CPD: variants seen among roughly 807,000 people sequenced by gnomAD.
The protein encoded by CPD is metallocarboxypeptidase D.
Under a neutral mutation model 138.3 loss-of-function variants are expected in CPD, and 69 were observed. The observed-to-expected ratio is 0.50, with a 90% CI of 0.41 to 0.61. The LOEUF is 0.61. Ranked by LOEUF, CPD falls within the 20% of genes least tolerant of loss-of-function variation. The pLI is 0.00. For synonymous variants in CPD, 651 were observed against 642.1 expected, an observed-to-expected ratio of 1.01 and a Z score of -0.21; for missense variants, 1,432 against 1,733.3, an observed-to-expected ratio of 0.83 and a Z score of 3.09.
Position 30,379,732 on chromosome 17 carries a change from T to C in CPD, c.746+6T>C, listed in dbSNP as rs754596617. Reference sequence around the variant, plus strand: ...GAGTGGATCCGCAGGAACAAGTGAGTGTTGCCTGCCCCCTCCCCGTCCGTG... The same window carrying C: ...GAGTGGATCCGCAGGAACAAGTGAGCGTTGCCTGCCCCCTCCCCGTCCGTG... On this transcript the variant is annotated splice_donor_region_variant and intron_variant, in intron 1 of 20. Coordinates refer to ENST00000225719, the MANE Select transcript of CPD (RefSeq NM_001304.5). This position sits in a 1 kb window ranked among gnomAD's most constrained non-coding sequence, Gnocchi z 7.0. 1.4e-6 allele frequency: 2 copies of C among 1,467,144 alleles called. No homozygotes were observed. The highest frequency in any genetic ancestry group is 3.0e-5 in the African/African-American group (2 of 67,138). 90.9% of individuals were successfully genotyped at this position (1,467,144 alleles called of 1,614,324 possible). A position where few individuals can be genotyped will look rare whatever the true frequency, so the allele number is the denominator to read the frequency against.
chr17:30,391,798 C>T (rs946204088), intron 2 of CPD, among the ~76,000 whole-genome samples: 11 of 152,120 alleles, frequency 7.2e-5, no homozygotes. Context: ...GTGTGTAAAG[C>T]ACTTTAGCCT....
chr17:30,394,901 A>ATGTGTGTGTG (rs113868957), intron 2 of CPD, among the ~76,000 whole-genome samples: 62 of 148,428 alleles, frequency 4.2e-4, no homozygotes, highest in African/African-American at 1.5e-3. Context: ...GCATGTGTGT[A>ATGTGTGTGTG]TGTGTGTGTG....
rs1470264340 is a variant in CPD, at chr17:30,468,070, T to G, written c.*3256T>G. ...TGGGGATATGATTTGGGTCTTTGATTAATGTCAGCTGAACTTGGATTTCTA... is the reference window on the plus strand; with the variant it reads ...TGGGGATATGATTTGGGTCTTTGATGAATGTCAGCTGAACTTGGATTTCTA... On this transcript the variant is annotated 3_prime_UTR_variant, in exon 21 of 21. Coordinates refer to ENST00000225719, the MANE Select transcript of CPD (RefSeq NM_001304.5). 1 of 152,288 alleles carries G rather than the reference T, an allele frequency of 6.6e-6. No homozygotes were observed. The highest frequency in any genetic ancestry group is 2.4e-5 in the African/African-American group (1 of 41,458). The allele number at this position is 152,288 out of a possible 1,614,324, so 9.4% of individuals were successfully genotyped here.
intron 8 of CPD, among the ~76,000 whole-genome samples, chr17:30,433,945 T>C (rs1333588049): frequency 1.3e-5 from 2 of 152,222 alleles, no homozygotes; most frequent in Non-Finnish European, 2.9e-5. Context: ...TCATATCTTA[T>C]TTTATAAATG....
intron 8 of CPD, among the ~76,000 whole-genome samples, chr17:30,432,416 T>C (rs1912587388): frequency 6.6e-6 from 1 of 152,218 alleles, no homozygotes; most frequent in South Asian, 2.1e-4. Flanking sequence ...CTAAAAAGTC[T>C]GAAATATTTG....
At chr17:30,432,814 G>T (rs1374122223) in intron 8 of CPD, among the ~76,000 whole-genome samples, 1 of 152,136 alleles carries the variant, frequency 6.6e-6, no homozygotes, top group Non-Finnish European at 1.5e-5. Context: ...AGCTACTTAG[G>T]AGGCTGAGGT....
intron 2 of CPD, among the ~76,000 whole-genome samples, chr17:30,396,426 G>A (rs1192300554): frequency 6.6e-6 from 1 of 151,986 alleles, no homozygotes; most frequent in Non-Finnish European, 1.5e-5. Flanking sequence ...TGAAGCATTG[G>A]CTGTATTTTT....
intron 1 of CPD, chr17:30,380,575 A>T (rs1261654089): frequency 6.7e-7 from 1 of 1,494,480 alleles, no homozygotes; most frequent in Non-Finnish European, 8.9e-7. Context: ...TTAAAAAATT[A>T]CAAAGTAGAA....
In CPD at chr17:30,449,670, G is replaced by T. The variant is rs779326001; in HGVS notation, c.2991G>T (p.Ala997=). The change falls in exon 13 of 21, where the codon GCG becomes GCT. Residue 997 remains alanine (A), a synonymous_variant. Transcript: ENST00000225719. The part of the protein sequence containing the change: ...IRFVAGIHGN[A]PVGTELLLAL... ...TTGTTGCTGGTATCCATGGAAATGC[G>T]CCAGTTGGAACTGAACTGCTTTTGG... 2 of 1,607,782 alleles carry T rather than the reference G, an allele frequency of 1.2e-6. No homozygotes were observed. The highest frequency in any genetic ancestry group is 8.5e-7 in the Non-Finnish European group (1 of 1,178,508).
intron 13 of CPD, among the ~76,000 whole-genome samples, chr17:30,450,662 C>G (rs1384693617): frequency 6.6e-6 from 1 of 152,098 alleles, no homozygotes; most frequent in Admixed American, 6.6e-5. Flanking sequence ...CGTTTGAGAC[C>G]AGCCAGAGCA....
In CPD at chr17:30,445,584, C is replaced by T. The variant is rs565749228; in HGVS notation, c.2544-107C>T. On this transcript the variant is annotated intron_variant, in intron 11 of 20. Coordinates refer to ENST00000225719, the MANE Select transcript of CPD (RefSeq NM_001304.5). ...AAAATTTTGTCTCTTTAGGAAACTG[C>T]ACCACATTTATCCCAAGGATTCTTA... 4.9e-5 allele frequency: 35 copies of T among 720,838 alleles called. No individual in the cohort carries two copies. The African/African-American group carries it at 6.2e-4, about 13-fold the overall frequency. 44.7% of individuals were successfully genotyped at this position (720,838 alleles called of 1,614,324 possible).
rs34290313 is a variant in CPD at position 30,385,504 on chromosome 17, G to GCA, written c.994+295_994+296dup. Among the ~76,000 whole-genome samples, 966 of 144,418 alleles carry GCA rather than the reference G, an allele frequency of 6.7e-3. 18 individuals carry two copies. The highest frequency in any genetic ancestry group is 0.011 in the Admixed American group (161 of 14,500). The allele number at this position is 144,418 out of a possible 152,430, so 94.7% of individuals were successfully genotyped here. On this transcript the variant is annotated intron_variant, in intron 2 of 20. Transcript: ENST00000225719. ...TCTCTACATGCACGTGTATGTGCATGCACACACACACACACACACACACAC... is the reference window on the plus strand; with the variant it reads ...TCTCTACATGCACGTGTATGTGCATGCACACACACACACACACACACACACAC...
chr17:30,461,390 AC>A, intron 18 of CPD, 79 bp downstream of exon 18: 1 of 1,122,264 alleles, frequency 8.9e-7, no homozygotes, highest in Non-Finnish European at 1.2e-6. Flanking sequence ...ATTGTCTTTT[AC>A]CAAAAATGTA....
At chr17:30,435,783 G>A (rs1318122409) in intron 8 of CPD, among the ~76,000 whole-genome samples, 2 of 152,156 alleles carry the variant, frequency 1.3e-5, no homozygotes, top group African/African-American at 2.4e-5. Context: ...GAGGCCAGAA[G>A]TCCAAAATCA....
intron 2 of CPD, among the ~76,000 whole-genome samples, chr17:30,404,790 A>G (rs1372069152): frequency 1.3e-5 from 2 of 151,998 alleles, no homozygotes; most frequent in East Asian, 1.9e-4. Flanking sequence ...TGGCCAACAG[A>G]TATTTTACTA....
intron 8 of CPD, among the ~76,000 whole-genome samples, chr17:30,432,285 G>A (rs1010897767): frequency 2.0e-5 from 3 of 152,124 alleles, no homozygotes; most frequent in African/African-American, 7.2e-5. Context: ...ATTGTGTGTG[G>A]CTGCTTTCTC....
chr17:30,379,737 C>T lies in CPD; in HGVS notation c.746+11C>T. ...GATCCGCAGGAACAAGTGAGTGTTGCCTGCCCCCTCCCCGTCCGTGTGAGC... is the reference window on the plus strand; with the variant it reads ...GATCCGCAGGAACAAGTGAGTGTTGTCTGCCCCCTCCCCGTCCGTGTGAGC... On this transcript the variant is annotated intron_variant, in intron 1 of 20. Coordinates refer to ENST00000225719, the MANE Select transcript of CPD (RefSeq NM_001304.5). The surrounding 1 kb of genome is among the most constrained non-coding windows in gnomAD (Gnocchi z 7.0). 1 of 1,446,712 alleles carries T rather than the reference C, an allele frequency of 6.9e-7. No homozygotes were observed. The highest frequency in any genetic ancestry group is 1.5e-5 in the African/African-American group (1 of 66,984). The allele number at this position is 1,446,712 out of a possible 1,614,324, so 89.6% of individuals were successfully genotyped here.
At position 30,379,015 on chromosome 17, in the gene CPD, G is replaced by A. The variant is rs776574672; in HGVS notation, c.35G>A (p.Arg12Gln). 4.5e-6 allele frequency: 7 copies of A among 1,553,114 alleles called. No individual in the cohort carries two copies. The highest frequency in any genetic ancestry group is 5.1e-5 in the East Asian group (2 of 38,946). ...GGCCGGGACGAGCGGCCGCCTTGGC[G>A]GCTAGGGCGGCTCCTGTTGCTCATG... is the stretch of plus-strand genomic sequence containing the variant. Reference protein sequence around the residue: ...ASGRDERPPWRLGRLLLLMCL... With the variant: ...ASGRDERPPWQLGRLLLLMCL... Residue 12 changes from arginine (R) to glutamine (Q), a missense_variant, in exon 1 of 21, where the codon CGG becomes CAG. Physicochemically the swap from Arg to Gln is conservative, Grantham distance 43. This residue lies in a region of CPD where 484 missense variants were observed against 477.2 expected (regional missense o/e 1.01). Coordinates refer to ENST00000225719, the MANE Select transcript of CPD (RefSeq NM_001304.5). The surrounding 1 kb of genome is among the most constrained non-coding windows in gnomAD (Gnocchi z 7.0).
At chr17:30,422,135 A>T (rs537505516) in intron 4 of CPD, among the ~76,000 whole-genome samples, 2 of 152,334 alleles carry the variant, frequency 1.3e-5, no homozygotes, top group Non-Finnish European at 2.9e-5. Context: ...CCAGAGTAGA[A>T]GAAACCCATT....
Sources: gnomAD v4.1 joint callset for allele counts (sites outside exome capture counted in the v4.1 genomes callset) on GRCh38, gnomAD v4.1.1 for gene constraint, gnomAD v4.1.1 regional missense constraint, Gnocchi (gnomAD v3.1) non-coding constraint, MANE v1.5 for transcripts, NCBI Gene and HGNC (gene_info 2026-07-23, HGNC 2026-07-21) for gene names.